The following UNC13C variants were observed in gnomAD, a reference collection of about 807,000 sequenced individuals.
The protein encoded by UNC13C is unc-13 homolog C.
A neutral mutation model predicts 245.4 loss-of-function variants in UNC13C; 174 were observed. The ratio of observed to expected loss-of-function variants is 0.71; its 90% CI spans 0.63 to 0.80. UNC13C has a LOEUF of 0.80. Among genes scored for constraint, UNC13C ranks in the 30% least tolerant of loss-of-function variants. The probability of loss-of-function intolerance (pLI) is 0.00; values close to 1 mark genes in which losing one functional copy is unlikely to be tolerated. For synonymous variants in UNC13C, 992 were observed against 895.1 expected (o/e 1.11, Z -1.93); for missense variants, 2,829 against 2,602.9 (o/e 1.09, Z -1.89).
chr15:54,204,460 G>A (rs944506532), intron 4 of UNC13C, among the ~76,000 whole-genome samples: 9 of 151,684 alleles, frequency 5.9e-5, no homozygotes, highest in Non-Finnish European at 1.0e-4. Flanking sequence ...TGCCATTTAT[G>A]GAAAAAAATT....
At chr15:53,983,670 T>C (rs1010292515) in intron 1 of UNC13C, among the ~76,000 whole-genome samples, 2 of 151,798 alleles carry the variant, frequency 1.3e-5, no homozygotes, top group African/African-American at 4.8e-5. Context: ...TTGCTTTCAT[T>C]CTCCATTTGG....
intron 2 of UNC13C, among the ~76,000 whole-genome samples, chr15:54,141,450 A>C (rs1356458685): frequency 1.3e-5 from 2 of 152,106 alleles, no homozygotes; most frequent in African/African-American, 4.8e-5. Flanking sequence ...TTCACACATA[A>C]ATTGCTGACT....
the UNC13C span, among the ~76,000 whole-genome samples, chr15:53,880,830 C>G: frequency 8.5e-5 from 13 of 152,080 alleles, no homozygotes; most frequent in East Asian, 2.5e-3. Context: ...GCCTCTTACT[C>G]TCCTTACAGA....
At chr15:54,180,852 T>C (rs183545086) in intron 4 of UNC13C, among the ~76,000 whole-genome samples, 1 of 152,188 alleles carries the variant, frequency 6.6e-6, no homozygotes. Context: ...ATTTTTTTGC[T>C]TGTTGATTTG....
At chr15:54,322,538 C>A (rs1419279478) in intron 14 of UNC13C, among the ~76,000 whole-genome samples, 2 of 151,950 alleles carry the variant, frequency 1.3e-5, no homozygotes, top group African/African-American at 4.8e-5. Flanking sequence ...GTGGCACATC[C>A]TCTAAGTAAA....
chr15:54,620,346 A>G (rs953106020), intron 30 of UNC13C, among the ~76,000 whole-genome samples: 1 of 152,184 alleles, frequency 6.6e-6, no homozygotes. Context: ...GTATACGTTT[A>G]GAGTCCCTTC....
At chr15:54,243,145 C>A (rs2035901257) in intron 7 of UNC13C, among the ~76,000 whole-genome samples, 1 of 149,398 alleles carries the variant, frequency 6.7e-6, no homozygotes, top group African/African-American at 2.5e-5. Flanking sequence ...CCCACCCCCA[C>A]CCCGACAGGC....
At chr15:54,346,725 G>A (rs2140832360) in intron 17 of UNC13C, among the ~76,000 whole-genome samples, 1 of 152,280 alleles carries the variant, frequency 6.6e-6, no homozygotes, top group Admixed American at 6.5e-5. Flanking sequence ...TGAATTGCCA[G>A]GCTCCGCATC....
intron 17 of UNC13C, among the ~76,000 whole-genome samples, chr15:54,372,494 A>ACTTG (rs2039509728): frequency 2.6e-5 from 4 of 152,196 alleles, no homozygotes; most frequent in Non-Finnish European, 5.9e-5. Context: ...CAGTCTCCAA[A>ACTTG]AATAACCACA....
intron 19 of UNC13C, among the ~76,000 whole-genome samples, chr15:54,492,446 A>G (rs1893758491): frequency 6.6e-6 from 1 of 152,336 alleles, no homozygotes; most frequent in East Asian, 1.9e-4. Context: ...TTAACATTAA[A>G]TGGCCATCTA....
the UNC13C span, among the ~76,000 whole-genome samples, chr15:53,938,160 A>G: frequency 0.017 from 2,547 of 152,210 alleles, 109 homozygotes; most frequent in East Asian, 0.14. Context: ...AAAGACACAC[A>G]TAATAAAGGG....
intron 30 of UNC13C, among the ~76,000 whole-genome samples, chr15:54,571,357 G>A (rs1162677981): frequency 4.6e-5 from 7 of 152,118 alleles, no homozygotes; most frequent in East Asian, 3.9e-4. Flanking sequence ...GATCTCATGA[G>A]ACTTAATCAC....
chr15:53,879,314 A>G, the UNC13C span, among the ~76,000 whole-genome samples: 7 of 151,970 alleles, frequency 4.6e-5, no homozygotes, highest in Non-Finnish European at 8.8e-5. Flanking sequence ...GGCACACACC[A>G]CCACACCAAG....
rs1895423129 is a variant in UNC13C at position 54,525,763 on chromosome 15, C to A, written c.5546+126C>A. ...TAACTTCAAGACCCAATCTAAATGTCATTTTCTCTGAAACATCTGTTATGA... is the reference window on the plus strand; with the variant it reads ...TAACTTCAAGACCCAATCTAAATGTAATTTTCTCTGAAACATCTGTTATGA... On this transcript the variant is annotated intron_variant, in intron 25 of 32. Transcript: ENST00000260323. 4 of 764,794 alleles carry A rather than the reference C, an allele frequency of 5.2e-6. No individual in the cohort carries two copies. In the Admixed American group the frequency reaches 9.6e-5, roughly 18 times the overall value. 47.4% of individuals were successfully genotyped at this position (764,794 alleles called of 1,614,324 possible). A position where few individuals can be genotyped will look rare whatever the true frequency, so the allele number is the denominator to read the frequency against.
the UNC13C span, among the ~76,000 whole-genome samples, chr15:53,894,418 C>A: frequency 6.6e-6 from 1 of 152,220 alleles, no homozygotes; most frequent in African/African-American, 2.4e-5. Flanking sequence ...ACAAACCCAA[C>A]CCCTTTATCC....
Position 54,350,999 on chromosome 15 carries a change from T to C in UNC13C, c.4713+12510T>C, listed in dbSNP as rs1363204061. 2.0e-5 allele frequency among the ~76,000 whole-genome samples: 3 copies of C among 152,232 alleles called. 1 individual carries two copies. The highest frequency in any genetic ancestry group is 7.2e-5 in the African/African-American group (3 of 41,460). ...ATTTCACTTAAAATTTTTCTATTTT[T>C]CACATTGTGACTTTGTATAATAGTT... On this transcript the variant is annotated intron_variant, in intron 17 of 32. Transcript: ENST00000260323.
intron 2 of UNC13C, among the ~76,000 whole-genome samples, chr15:54,037,422 T>C (rs1193767525): frequency 6.6e-6 from 1 of 152,150 alleles, no homozygotes; most frequent in Non-Finnish European, 1.5e-5. Flanking sequence ...TTCTCATTGA[T>C]TTATCATGCA....
chr15:54,297,664 T>A, intron 11 of UNC13C, 147 bp from the exon 12 acceptor site: 1 of 667,902 alleles, frequency 1.5e-6, no homozygotes, highest in East Asian at 2.7e-5. Context: ...TCATCATGGT[T>A]ACTTAATAAG....
At chr15:53,934,339 A>G in the UNC13C span, among the ~76,000 whole-genome samples, 2 of 152,198 alleles carry the variant, frequency 1.3e-5, no homozygotes, top group African/African-American at 4.8e-5. Flanking sequence ...CCTTGTACCT[A>G]TAATTGTCTA....
Sources: gnomAD v4.1 joint callset for allele counts (sites outside exome capture counted in the v4.1 genomes callset) on GRCh38, gnomAD v4.1.1 for gene constraint, MANE v1.5 for transcripts, NCBI Gene and HGNC (gene_info 2026-07-23, HGNC 2026-07-21) for gene names.